The following CSMD1 variants were observed in gnomAD, a reference collection of about 807,000 sequenced individuals.
The protein encoded by CSMD1 is CUB and Sushi multiple domains 1.
CSMD1 carries 213 observed loss-of-function variants against 417.5 expected under a neutral mutation model. The ratio of observed to expected loss-of-function variants is 0.51; its 90% CI spans 0.46 to 0.57. CSMD1 has a LOEUF of 0.57. Among genes scored for constraint, CSMD1 ranks in the 20% least tolerant of loss-of-function variants. CSMD1 has a pLI of 0.00. For missense variants in CSMD1, 6,923 were observed against 4,529.7 expected (o/e 1.53, Z -15.17); for synonymous variants, 2,862 against 1,736.8 (o/e 1.65, Z -16.11).
At chr8:3,386,684 A>G (rs1359304887) in intron 18 of CSMD1, among the ~76,000 whole-genome samples, 1 of 152,202 alleles carries the variant, frequency 6.6e-6, no homozygotes, top group Non-Finnish European at 1.5e-5. Context: ...TGCTTTTTCC[A>G]TAGAAACAAT....
intron 5 of CSMD1, among the ~76,000 whole-genome samples, chr8:3,923,080 T>G (rs1045295338): frequency 2.0e-5 from 3 of 152,132 alleles, no homozygotes; most frequent in African/African-American, 4.8e-5. Flanking sequence ...TGGAGCCCAG[T>G]TGCGAAGGGC....
rs143256061 is a variant in CSMD1, at chr8:3,165,633, C to T, written c.5726-3356G>A. Among the ~76,000 whole-genome samples, 868 of 152,054 alleles carry T rather than the reference C, an allele frequency of 5.7e-3. 4 individuals are homozygous for T. Among genetic ancestry groups the T allele is most frequent in the South Asian group, 0.017 (83 of 4,802 alleles). ...ATTTTTAGAAAAGACGGGGTTTCAC[C>T]ATGTTAGCCAGGGTGGTCTTGAACT... is the stretch of plus-strand genomic sequence containing the variant. On this transcript the variant is annotated intron_variant, in intron 37 of 69. Coordinates refer to ENST00000635120, the MANE Select transcript of CSMD1 (RefSeq NM_033225.6).
intron 1 of CSMD1, among the ~76,000 whole-genome samples, chr8:4,689,596 G>C (rs771928649): frequency 1.3e-5 from 2 of 152,168 alleles, no homozygotes; most frequent in African/African-American, 2.4e-5. Context: ...ACACAGTTCA[G>C]TAAGATCTTT....
At chr8:3,510,092 G>C (rs1196863966) in intron 10 of CSMD1, among the ~76,000 whole-genome samples, 3 of 152,240 alleles carry the variant, frequency 2.0e-5, no homozygotes, top group South Asian at 2.1e-4. Context: ...TTAGGAGAAA[G>C]TAAATGATTC....
At chr8:4,395,457 C>T (rs76606245) in intron 3 of CSMD1, among the ~76,000 whole-genome samples, 19,043 of 151,524 alleles carry the variant, frequency 0.13, 1,862 homozygotes, top group African/African-American at 0.27. Context: ...TCAAGAATAG[C>T]AGCAAGATTA....
At chr8:3,568,355 G>C (rs1799805893) in intron 10 of CSMD1, among the ~76,000 whole-genome samples, 1 of 152,064 alleles carries the variant, frequency 6.6e-6, no homozygotes, top group African/African-American at 2.4e-5. Flanking sequence ...CATTGTGCTT[G>C]TATAATACAC....
chr8:3,530,992 G>T (rs1434735998), intron 10 of CSMD1, among the ~76,000 whole-genome samples: 1 of 150,886 alleles, frequency 6.6e-6, no homozygotes, highest in South Asian at 2.1e-4. Flanking sequence ...AGCTGGGACT[G>T]CAGGCACACA....
At chr8:4,090,747 T>A (rs934426066) in intron 3 of CSMD1, among the ~76,000 whole-genome samples, 2 of 152,120 alleles carry the variant, frequency 1.3e-5, no homozygotes, top group Admixed American at 6.6e-5. Context: ...AACCAACACA[T>A]ATAAAAATTG....
intron 7 of CSMD1, among the ~76,000 whole-genome samples, chr8:3,619,449 T>G (rs1802310802): frequency 6.6e-6 from 1 of 152,008 alleles, no homozygotes; most frequent in Non-Finnish European, 1.5e-5. Context: ...AGGGTCGAAA[T>G]AAATCTCTAG....
At chr8:3,965,041 T>C (rs1812577082) in intron 5 of CSMD1, among the ~76,000 whole-genome samples, 1 of 152,230 alleles carries the variant, frequency 6.6e-6, no homozygotes, top group African/African-American at 2.4e-5. Flanking sequence ...CACAATGTGC[T>C]TGTAAATATT....
At chr8:4,126,213 G>C (rs904840697) in intron 3 of CSMD1, among the ~76,000 whole-genome samples, 1 of 152,040 alleles carries the variant, frequency 6.6e-6, no homozygotes, top group East Asian at 1.9e-4. Context: ...CAAATGCTCT[G>C]GGAGACTGAT....
intron 1 of CSMD1, among the ~76,000 whole-genome samples, chr8:4,815,567 A>G (rs978990379): frequency 1.3e-5 from 2 of 151,810 alleles, no homozygotes; most frequent in Non-Finnish European, 2.9e-5. Flanking sequence ...ATGGTGACAC[A>G]TGCCTGTAAT....
chr8:3,939,010 A>T (rs558845400), intron 5 of CSMD1, among the ~76,000 whole-genome samples: 71 of 152,226 alleles, frequency 4.7e-4, no homozygotes, highest in African/African-American at 1.7e-3. Context: ...AGAATATTAC[A>T]TGTATAGTGA....
intron 41 of CSMD1, among the ~76,000 whole-genome samples, chr8:3,123,895 T>C: frequency 6.6e-6 from 1 of 152,222 alleles, no homozygotes; most frequent in East Asian, 1.9e-4. Context: ...TTTGGCTGTG[T>C]AGTCTTTCGG....
At chr8:4,957,509 C>T (rs2117315069) in intron 1 of CSMD1, among the ~76,000 whole-genome samples, 1 of 152,252 alleles carries the variant, frequency 6.6e-6, no homozygotes, top group Non-Finnish European at 1.5e-5. Context: ...ATAACTACTT[C>T]TTATCAACTT....
At chr8:4,094,426 T>A (rs1796553480) in intron 3 of CSMD1, among the ~76,000 whole-genome samples, 1 of 152,068 alleles carries the variant, frequency 6.6e-6, no homozygotes, top group Non-Finnish European at 1.5e-5. Flanking sequence ...CGGTCAGGTG[T>A]GTGGATTTGC....
At chr8:4,692,267 G>A (rs999439878) in intron 1 of CSMD1, among the ~76,000 whole-genome samples, 4 of 152,040 alleles carry the variant, frequency 2.6e-5, no homozygotes, top group Non-Finnish European at 4.4e-5. Context: ...GTCTTAAGAT[G>A]TACGTTTTCT....
intron 3 of CSMD1, among the ~76,000 whole-genome samples, chr8:4,338,836 T>G (rs563442646): frequency 6.6e-6 from 1 of 152,240 alleles, no homozygotes; most frequent in East Asian, 1.9e-4. Context: ...ATATTCAGCT[T>G]TATATTACTT....
At chr8:2,999,868 G>C in intron 53 of CSMD1, 90 bp downstream of exon 53, 5 of 1,128,536 alleles carry the variant, frequency 4.4e-6, no homozygotes, top group Non-Finnish European at 4.9e-6. Flanking sequence ...TTACAGTGAA[G>C]ATTAAACAGG....
Sources: allele counts gnomAD v4.1 joint callset (sites outside exome capture counted in the v4.1 genomes callset), GRCh38; gene constraint gnomAD v4.1.1; transcripts MANE v1.5; gene names NCBI Gene and HGNC (gene_info 2026-07-23, HGNC 2026-07-21).